The following RNFT2 variants were observed in gnomAD, a reference collection of about 807,000 sequenced individuals.
RNFT2 encodes ring finger protein, transmembrane 2, also known as E3 ubiquitin-protein ligase RNFT2.
A neutral mutation model predicts 53.0 loss-of-function variants in RNFT2; 36 were observed. That is an observed-to-expected ratio of 0.68 (90% CI 0.52 to 0.90). The LOEUF (loss-of-function observed/expected upper bound fraction) is 0.90, where lower values mean the gene tolerates loss of function less well. RNFT2 is among the 40% of genes least tolerant of loss of function. The pLI is 0.00. For missense variants in RNFT2, 514 were observed against 585.6 expected (o/e 0.88, Z 1.26); for synonymous variants, 260 against 253.2 (o/e 1.03, Z -0.26).
chr12:116,801,222 G>C (rs1874779958), intron 7 of RNFT2: 1 of 152,226 alleles, frequency 6.6e-6, no homozygotes, highest in Non-Finnish European at 1.5e-5. Flanking sequence ...TATTGAAGAT[G>C]TCCCTTTTCT....
chr12:116,796,829 C>T (rs1055664273), intron 7 of RNFT2, among the ~76,000 whole-genome samples: 1 of 152,134 alleles, frequency 6.6e-6, no homozygotes, highest in East Asian at 1.9e-4. Flanking sequence ...GACACAGTGC[C>T]CCATCCTGGA....
At chr12:116,786,689 G>A (rs1169089900) in intron 7 of RNFT2, among the ~76,000 whole-genome samples, 1 of 152,228 alleles carries the variant, frequency 6.6e-6, no homozygotes, top group Non-Finnish European at 1.5e-5. Flanking sequence ...TGTGGTTGCA[G>A]TAACGAAATA....
intron 7 of RNFT2, among the ~76,000 whole-genome samples, chr12:116,802,596 G>A (rs563660073): frequency 2.6e-5 from 4 of 152,294 alleles, no homozygotes; most frequent in African/African-American, 9.6e-5. Flanking sequence ...GACAAACAAT[G>A]CCACCAGCCA....
intron 5 of RNFT2, among the ~76,000 whole-genome samples, chr12:116,759,538 T>A (rs1872617301): frequency 6.6e-6 from 1 of 152,250 alleles, no homozygotes; most frequent in Non-Finnish European, 1.5e-5. Flanking sequence ...CAGATTCTTT[T>A]GTCCCAGGGG....
intron 7 of RNFT2, among the ~76,000 whole-genome samples, chr12:116,814,229 A>G (rs1269387876): frequency 6.6e-6 from 1 of 152,104 alleles, no homozygotes; most frequent in African/African-American, 2.4e-5. Context: ...TTTTTTGGCC[A>G]CCTATTCTGT....
chr12:116,744,239 A>C (rs191104410), intron 3 of RNFT2, among the ~76,000 whole-genome samples: 8,313 of 151,546 alleles, frequency 0.055, 325 homozygotes, highest in Middle Eastern at 0.092. Flanking sequence ...AAAAAAAAAA[A>C]AAAAGAGTTG....
At chr12:116,784,649 A>G (rs925920377) in intron 7 of RNFT2, among the ~76,000 whole-genome samples, 1 of 151,770 alleles carries the variant, frequency 6.6e-6, no homozygotes, top group African/African-American at 2.4e-5. Context: ...ACCTCCCTCC[A>G]CCCCACTGTT....
At chr12:116,832,148 A>AAAAAAAATATATATAT (rs1555209702) in intron 7 of RNFT2, among the ~76,000 whole-genome samples, 1 of 55,176 alleles carries the variant, frequency 1.8e-5, no homozygotes, top group African/African-American at 7.0e-5. Flanking sequence ...AAAAAAAAAA[A>AAAAAAAATATATATAT]ATATATATAT....
At chr12:116,744,243 AG>A (rs1316962312) in intron 3 of RNFT2, among the ~76,000 whole-genome samples, 4 of 151,070 alleles carry the variant, frequency 2.6e-5, no homozygotes, top group Non-Finnish European at 4.4e-5. Flanking sequence ...AAAAAAAAAA[AG>A]AGTTGTTTAT....
chr12:116,784,297 G>A (rs143785721), intron 7 of RNFT2, among the ~76,000 whole-genome samples: 133 of 152,324 alleles, frequency 8.7e-4, no homozygotes, highest in African/African-American at 3.0e-3. Context: ...AGCATCCGCC[G>A]CACGTGTCGT....
At chr12:116,761,397 C>T (rs114090490) in intron 5 of RNFT2, among the ~76,000 whole-genome samples, 14 of 152,302 alleles carry the variant, frequency 9.2e-5, no homozygotes, top group African/African-American at 2.9e-4. Flanking sequence ...ATCCGCACAC[C>T]TTGGCCTCCA....
In RNFT2 at chr12:116,743,213, T is replaced by TAAAAAAAAAAAAAAAAAAAAAAAAAAA. The variant is rs762013507; in HGVS notation, c.83+2124_83+2150dup. On this transcript the variant is annotated intron_variant, in intron 3 of 10. Coordinates refer to ENST00000257575, the MANE Select transcript of RNFT2 (RefSeq NM_001382266.1). ...TGATTAATAGATACCAGGTAGAATCTAAAAAAAAAAAAAAAAAAAAAAAAA... is the reference window on the plus strand; with the variant it reads ...TGATTAATAGATACCAGGTAGAATCTAAAAAAAAAAAAAAAAAAAAAAAAAAAAAAAAAAAAAAAAAAAAAAAAAAAA... Among the ~76,000 whole-genome samples the TAAAAAAAAAAAAAAAAAAAAAAAAAAA allele has an allele frequency of 4.1e-3, 44 of 10,686 alleles. 15 individuals are homozygous for TAAAAAAAAAAAAAAAAAAAAAAAAAAA. The highest frequency in any genetic ancestry group is 0.013 in the South Asian group (2 of 154). The allele number at this position is 10,686 out of a possible 152,430, so 7.0% of individuals were successfully genotyped here. A position where few individuals can be genotyped will look rare whatever the true frequency, so the allele number is the denominator to read the frequency against.
rs1017379716 is a variant in RNFT2 at position 116,849,217 on chromosome 12, G to A, written c.1201-97G>A. On this transcript the variant is annotated intron_variant, in intron 10 of 10. Transcript: ENST00000257575. ...CGAGTGCAGGCGCCCCGAAGGCAGG[G>A]GTTGTCTGTCTAGTCCGCTGCCCCT... The A allele has an allele frequency of 1.2e-5, 12 of 985,198 alleles. No individual in the cohort carries two copies. The African/African-American group carries it at 1.6e-4, about 13-fold the overall frequency. The allele number at this position is 985,198 out of a possible 1,614,324, so 61.0% of individuals were successfully genotyped here. A position where few individuals can be genotyped will look rare whatever the true frequency, so the allele number is the denominator to read the frequency against.
intron 7 of RNFT2, among the ~76,000 whole-genome samples, chr12:116,800,871 A>G (rs1874761100): frequency 1.3e-5 from 2 of 152,028 alleles, no homozygotes; most frequent in South Asian, 4.1e-4. Context: ...AAACCATTTA[A>G]CAGATAAAAC....
At chr12:116,752,588 G>A (rs1256722760) in intron 4 of RNFT2, among the ~76,000 whole-genome samples, 1 of 152,154 alleles carries the variant, frequency 6.6e-6, no homozygotes, top group Admixed American at 6.5e-5. Context: ...TATTAAAAGA[G>A]TAAGTGCGAC....
chr12:116,744,735 T>C (rs566019893), intron 3 of RNFT2, among the ~76,000 whole-genome samples: 22 of 152,288 alleles, frequency 1.4e-4, no homozygotes, highest in East Asian at 1.3e-3. Context: ...GGCTGAAATC[T>C]CGGCTGGATG....
chr12:116,825,757 A>G (rs1310124846), intron 7 of RNFT2, among the ~76,000 whole-genome samples: 1 of 152,124 alleles, frequency 6.6e-6, no homozygotes, highest in Non-Finnish European at 1.5e-5. Context: ...GTATGTGTGT[A>G]TGTATGTGTG....
In RNFT2 at chr12:116,841,954, T is replaced by G. The variant is rs1390397776; in HGVS notation, c.1200+5672T>G. ...ATATATAAATATATATATAAATATA[T>G]ATATAGAGAGAGAGAGAGAGAGAGA... On this transcript the variant is annotated intron_variant, in intron 10 of 10. Coordinates refer to ENST00000257575, the MANE Select transcript of RNFT2 (RefSeq NM_001382266.1). Among the ~76,000 whole-genome samples, 27 of 19,718 alleles carry G rather than the reference T, an allele frequency of 1.4e-3. 2 individuals are homozygous for G. The highest frequency in any genetic ancestry group is 9.2e-3 in the East Asian group (6 of 654). The allele number at this position is 19,718 out of a possible 152,430, so 12.9% of individuals were successfully genotyped here.
intron 7 of RNFT2, among the ~76,000 whole-genome samples, chr12:116,831,534 C>CTT (rs764190872): frequency 6.9e-6 from 1 of 144,140 alleles, no homozygotes; most frequent in Non-Finnish European, 1.5e-5. Context: ...GTGTTTTTTA[C>CTT]TTTTTTTTTT....
Sources: gnomAD v4.1 joint callset for allele counts (sites outside exome capture counted in the v4.1 genomes callset) on GRCh38, gnomAD v4.1.1 for gene constraint, MANE v1.5 for transcripts, NCBI Gene and HGNC (gene_info 2026-07-23, HGNC 2026-07-21) for gene names.